MYH15: variants seen among roughly 807,000 people sequenced by gnomAD.
MYH15 encodes the protein myosin heavy chain 15.
In MYH15, 227 loss-of-function variants were observed where a neutral mutation model predicts 240.5. The ratio of observed to expected loss-of-function variants is 0.94; its 90% CI spans 0.85 to 1.05. The LOEUF (loss-of-function observed/expected upper bound fraction) is 1.05, where lower values mean the gene tolerates loss of function less well. Among genes scored for constraint, MYH15 ranks in the 50% least tolerant of loss-of-function variants. The pLI is 0.00. For missense variants in MYH15, 2,217 were observed against 2,247.5 expected, an observed-to-expected ratio of 0.99 and a Z score of 0.27; for synonymous variants, 785 against 796.7, an observed-to-expected ratio of 0.99 and a Z score of 0.25.
At chr3:108,476,295 C>T in intron 12 of MYH15, 102 bp downstream of exon 12, 2 of 697,528 alleles carry the variant, frequency 2.9e-6, no homozygotes, top group Non-Finnish European at 4.6e-6. Context: ...TAGAAGCTTT[C>T]ATTATTGCAA....
intron 37 of MYH15, among the ~76,000 whole-genome samples, chr3:108,389,786 C>T (rs930009996): frequency 1.3e-5 from 2 of 152,190 alleles, no homozygotes; most frequent in Non-Finnish European, 2.9e-5. Flanking sequence ...TTGATGTTGG[C>T]TGCTCCCCCT....
chr3:108,445,281 A>G lies in MYH15; in HGVS notation c.2400-386T>C, dbSNP rs907607980. 5.9e-5 allele frequency among the ~76,000 whole-genome samples: 9 copies of G among 152,200 alleles called. 1 individual carries two copies. In the South Asian group the frequency reaches 1.9e-3, roughly 31 times the overall value. On this transcript the variant is annotated intron_variant, in intron 21 of 40. Transcript: ENST00000693548. ...TAAGAGTTTGTATTTTCATATTCAC[A>G]TGGATAAAAAGGCAAGGCAGAAACC...
chr3:108,474,858 C>T (rs888857898), intron 12 of MYH15, among the ~76,000 whole-genome samples: 13 of 152,040 alleles, frequency 8.6e-5, no homozygotes, highest in African/African-American at 1.7e-4. Context: ...TTTTAACATG[C>T]GTGGAGCACT....
At chr3:108,415,805 T>C (rs2082628454) in intron 29 of MYH15, among the ~76,000 whole-genome samples, 1 of 152,052 alleles carries the variant, frequency 6.6e-6, no homozygotes, top group South Asian at 2.1e-4. Context: ...GGGGAGTAAA[T>C]GAGGGAAGCA....
intron 9 of MYH15, among the ~76,000 whole-genome samples, chr3:108,490,975 C>A (rs746744460): frequency 5.3e-5 from 8 of 152,072 alleles, no homozygotes; most frequent in Admixed American, 1.3e-4. Context: ...GCAACCTCCG[C>A]CTCCTGGGTT....
intron 36 of MYH15, among the ~76,000 whole-genome samples, chr3:108,392,793 A>G (rs1015038826): frequency 1.3e-5 from 2 of 152,236 alleles, no homozygotes; most frequent in African/African-American, 4.8e-5. Context: ...GAGCATCTTC[A>G]TAATATATGA....
intron 6 of MYH15, 57 bp from the exon 7 acceptor site, chr3:108,495,929 G>T: frequency 7.5e-7 from 1 of 1,341,888 alleles, no homozygotes; most frequent in Non-Finnish European, 1.0e-6. Context: ...ATTCTGTAAT[G>T]CGGCAAGCCC....
In MYH15 at chr3:108,470,225, G is replaced by T; in HGVS notation, c.1384-13C>A. The T allele has an allele frequency of 1.3e-6, 2 of 1,552,700 alleles. No individual in the cohort carries two copies. The highest frequency in any genetic ancestry group is 1.7e-6 in the Non-Finnish European group (2 of 1,148,624). ...CAAGGCTATTATACTTCAAGGATATGAATAGGTAAGAAGAAGAGATAAAAA... is the reference window on the plus strand; with the variant it reads ...CAAGGCTATTATACTTCAAGGATATTAATAGGTAAGAAGAAGAGATAAAAA... On this transcript the variant is annotated splice_polypyrimidine_tract_variant and intron_variant, in intron 13 of 40. Coordinates refer to ENST00000693548, the MANE Select transcript of MYH15 (RefSeq NM_014981.3).
At chr3:108,523,568 T>C (rs1180494823) in intron 1 of MYH15, among the ~76,000 whole-genome samples, 5 of 151,926 alleles carry the variant, frequency 3.3e-5, no homozygotes, top group African/African-American at 1.2e-4. Context: ...AAGTTAAACA[T>C]GTGATAAAGC....
At chr3:108,507,250 T>C (rs893940233) in intron 1 of MYH15, among the ~76,000 whole-genome samples, 3 of 35,688 alleles carry the variant, frequency 8.4e-5, no homozygotes, top group Admixed American at 2.4e-4. Flanking sequence ...TATATATATA[T>C]ATATATATAT....
intron 21 of MYH15, among the ~76,000 whole-genome samples, chr3:108,448,477 T>C (rs1160445499): frequency 1.3e-5 from 2 of 152,074 alleles, no homozygotes; most frequent in South Asian, 4.1e-4. Context: ...AAAATATATA[T>C]AAGTCAAAAA....
chr3:108,387,491 C>T lies in MYH15; in HGVS notation c.5535+1479G>A, dbSNP rs551780724. 3.6e-4 allele frequency among the ~76,000 whole-genome samples: 55 copies of T among 152,014 alleles called. No homozygotes were observed. In the South Asian group the frequency reaches 3.7e-3, roughly 10 times the overall value. On this transcript the variant is annotated intron_variant, in intron 38 of 40. Transcript: ENST00000693548. ...ACAATGAAGAAACAAAGGTAAGACACGATAGAACAAGAATGCATTCCTTGG... is the reference window on the plus strand; with the variant it reads ...ACAATGAAGAAACAAAGGTAAGACATGATAGAACAAGAATGCATTCCTTGG...
At chr3:108,516,320 C>G (rs183176856) in intron 1 of MYH15, among the ~76,000 whole-genome samples, 1 of 152,286 alleles carries the variant, frequency 6.6e-6, no homozygotes, top group African/African-American at 2.4e-5. Flanking sequence ...TAAACAAACA[C>G]TAAGCATCTT....
chr3:108,522,873 G>A lies in MYH15; in HGVS notation c.-58+6390C>T, dbSNP rs184727019. ...TTGATATCATAAAAGATGTTAGAAT[G>A]TATTAGGTGATACAGGGAGGAAAAG... On this transcript the variant is annotated intron_variant, in intron 1 of 41. Transcript: ENST00000273353. Among the ~76,000 whole-genome samples the A allele has an allele frequency of 5.6e-4, 85 of 152,168 alleles. 1 individual carries two copies. The South Asian group carries it at 6.4e-3, about 11-fold the overall frequency.
chr3:108,398,138 C>T (rs2082475571), intron 35 of MYH15, among the ~76,000 whole-genome samples: 1 of 152,036 alleles, frequency 6.6e-6, no homozygotes, highest in Admixed American at 6.5e-5. Flanking sequence ...TAGGGTGGAC[C>T]TTAATCAAAT....
the MYH15 span, chr3:108,543,933 T>A: frequency 1.6e-5 from 1 of 64,084 alleles, no homozygotes; most frequent in African/African-American, 4.0e-5. Context: ...TCTCAACAGT[T>A]TTAAATTCCC....
upstream of MYH15, chr3:108,510,673 T>A: frequency 7.6e-7 from 1 of 1,308,428 alleles, no homozygotes; most frequent in Non-Finnish European, 1.1e-6. Flanking sequence ...ATAGATAGAC[T>A]AAAGAGTGTT....
intron 12 of MYH15, among the ~76,000 whole-genome samples, chr3:108,471,897 C>A (rs1459682091): frequency 6.6e-6 from 1 of 152,240 alleles, no homozygotes; most frequent in Non-Finnish European, 1.5e-5. Context: ...TGTTCTGCCA[C>A]TGCTGTAGCT....
rs553421455 is a variant in MYH15, at chr3:108,446,041, C to A, written c.2400-1146G>T. ...TTCCAGGCCTGCCCCAGTGCCAGTC[C>A]AGACATGCAGCCCCAGACTGCAAGC... On this transcript the variant is annotated intron_variant, in intron 21 of 40. Transcript: ENST00000693548. Among the ~76,000 whole-genome samples, 9 of 152,190 alleles carry A rather than the reference C, an allele frequency of 5.9e-5. No homozygotes were observed. In the East Asian group the frequency reaches 1.7e-3, roughly 29 times the overall value.
Sources: gnomAD v4.1 joint callset for allele counts (sites outside exome capture counted in the v4.1 genomes callset) on GRCh38, gnomAD v4.1.1 for gene constraint, MANE v1.5 for transcripts, NCBI Gene and HGNC (gene_info 2026-07-23, HGNC 2026-07-21) for gene names.